Variants in BCAR3 observed in about 807,000 individuals in gnomAD.
The protein encoded by BCAR3 is BCAR3 adaptor protein, NSP family member.
In BCAR3, 37 loss-of-function variants were observed where a neutral mutation model predicts 80.1. That is an observed-to-expected ratio of 0.46 (90% confidence interval 0.36 to 0.61). The LOEUF (loss-of-function observed/expected upper bound fraction) is 0.61, where lower values mean the gene tolerates loss of function less well. Ranked by LOEUF, BCAR3 falls within the 20% of genes least tolerant of loss-of-function variation. The probability of loss-of-function intolerance (pLI) is 0.00; values close to 1 mark genes in which losing one functional copy is unlikely to be tolerated. For synonymous variants in BCAR3, 389 were observed against 418.9 expected, an observed-to-expected ratio of 0.93 and a Z score of 0.87; for missense variants, 978 against 1,068.2, an observed-to-expected ratio of 0.92 and a Z score of 1.18.
chr1:93,778,303 C>T (rs1299128872), intron 2 of BCAR3, among the ~76,000 whole-genome samples: 1 of 152,126 alleles, frequency 6.6e-6, no homozygotes, highest in African/African-American at 2.4e-5. Context: ...GAAAATGTAT[C>T]ATTAGTTTAC....
Position 93,562,009 on chromosome 1 carries a change from A to G in BCAR3, c.*232T>C, listed in dbSNP as rs1198174720. The G allele has an allele frequency of 3.5e-5, 13 of 369,386 alleles. No homozygotes were observed. The highest frequency in any genetic ancestry group is 7.4e-4 in the Middle Eastern group (1 of 1,360). 22.9% of individuals were successfully genotyped at this position (369,386 alleles called of 1,614,324 possible). A position where few individuals can be genotyped will look rare whatever the true frequency, so the allele number is the denominator to read the frequency against. On this transcript the variant is annotated 3_prime_UTR_variant, in exon 12 of 12. Coordinates refer to ENST00000260502, the MANE Select transcript of BCAR3 (RefSeq NM_003567.4). ...TCTTCTCTTAAATTTGCTGATCAAC[A>G]TTAGCAGTAGTTACCTTAATAATAA...
At chr1:93,643,309 G>A (rs1399687393) in intron 2 of BCAR3, among the ~76,000 whole-genome samples, 1 of 150,796 alleles carries the variant, frequency 6.6e-6, no homozygotes, top group Non-Finnish European at 1.5e-5. Context: ...CGGATCATTT[G>A]AGGTCAGGAG....
intron 2 of BCAR3, among the ~76,000 whole-genome samples, chr1:93,714,762 A>G (rs1308477065): frequency 6.6e-6 from 1 of 151,624 alleles, no homozygotes; most frequent in African/African-American, 2.4e-5. Flanking sequence ...TCCTGTACCT[A>G]CTTCTAGCAA....
chr1:93,803,220 A>G (rs1653548962), intron 2 of BCAR3, among the ~76,000 whole-genome samples: 1 of 152,160 alleles, frequency 6.6e-6, no homozygotes, highest in African/African-American at 2.4e-5. Flanking sequence ...TTCAGGCTGT[A>G]GGAAGCAAGT....
chr1:93,806,078 T>C (rs1239179461), intron 2 of BCAR3, among the ~76,000 whole-genome samples: 1 of 152,134 alleles, frequency 6.6e-6, no homozygotes, highest in Admixed American at 6.5e-5. Flanking sequence ...AGGGGTGATA[T>C]AAAGATTTGA....
At chr1:93,821,747 T>A (rs1014546184) in intron 2 of BCAR3, among the ~76,000 whole-genome samples, 1 of 152,214 alleles carries the variant, frequency 6.6e-6, no homozygotes, top group Non-Finnish European at 1.5e-5. Context: ...GCTAAGCACT[T>A]AGCATACCTT....
intron 2 of BCAR3, among the ~76,000 whole-genome samples, chr1:93,747,544 C>T (rs923555491): frequency 2.2e-4 from 33 of 151,626 alleles, no homozygotes; most frequent in African/African-American, 7.8e-4. Flanking sequence ...TTGTCTCCTC[C>T]CCTGTGTCCC....
intron 2 of BCAR3, among the ~76,000 whole-genome samples, chr1:93,651,624 C>T (rs1274544091): frequency 6.6e-6 from 1 of 152,154 alleles, no homozygotes; most frequent in South Asian, 2.1e-4. Flanking sequence ...CAGATGTGGA[C>T]TACATTAGAC....
intron 3 of BCAR3, among the ~76,000 whole-genome samples, chr1:93,639,129 A>G (rs1349361163): frequency 5.9e-5 from 9 of 152,228 alleles, no homozygotes; most frequent in Non-Finnish European, 1.5e-5. Context: ...CCAGCCATGC[A>G]TATTTTCCTC....
intron 2 of BCAR3, among the ~76,000 whole-genome samples, chr1:93,651,652 T>C (rs1474426404): frequency 6.6e-6 from 1 of 152,170 alleles, no homozygotes; most frequent in African/African-American, 2.4e-5. Context: ...CCTGGTACAA[T>C]GGCCAGCAAG....
At position 93,582,408 on chromosome 1, in the gene BCAR3, G is replaced by T; in HGVS notation, c.1579C>A (p.Pro527Thr). 1 of 1,614,172 alleles carries T rather than the reference G, an allele frequency of 6.2e-7. No individual in the cohort carries two copies. Among genetic ancestry groups the T allele is most frequent in the African/African-American group, 1.3e-5 (1 of 75,030 alleles). The change falls in exon 7 of 12, where the codon CCT becomes ACT. Residue 527 changes from proline (P) to threonine (T), a missense_variant. Coordinates refer to ENST00000260502, the MANE Select transcript of BCAR3 (RefSeq NM_003567.4). ...PNEFESKFLPPENKPLETAML... is the reference protein window; with the variant it reads ...PNEFESKFLPTENKPLETAML... ...GCTGTTTCCAGGGGCTTATTCTCAGGGGGAAGGAACTTTGACTCAAACTCG... is the reference window on the plus strand; with the variant it reads ...GCTGTTTCCAGGGGCTTATTCTCAGTGGGAAGGAACTTTGACTCAAACTCG...
chr1:93,833,701 T>G (rs1164722977), intron 2 of BCAR3, among the ~76,000 whole-genome samples: 2 of 152,098 alleles, frequency 1.3e-5, no homozygotes, highest in African/African-American at 4.8e-5. Flanking sequence ...TCAGACTTCA[T>G]GGTTATCTCC....
intron 3 of BCAR3, among the ~76,000 whole-genome samples, chr1:93,615,770 A>G (rs896074158): frequency 2.0e-5 from 3 of 152,178 alleles, no homozygotes; most frequent in Non-Finnish European, 4.4e-5. Context: ...CAGTTCTGTG[A>G]GCATGACTCA....
chr1:93,751,206 AG>A lies in BCAR3; in HGVS notation c.-62-45065del, dbSNP rs780578951. ...TTCAGTTCCATGGGGAGGAAGTGGC[AG>A]AGCTGGGGCTGATACCTCGGCTTGG... On this transcript the variant is annotated intron_variant, in intron 2 of 13. Transcript: ENST00000370244. 2.6e-4 allele frequency among the ~76,000 whole-genome samples: 40 copies of A among 152,312 alleles called. 3 individuals are homozygous for A. Among genetic ancestry groups the A allele is most frequent in the Admixed American group, 1.2e-3 (19 of 15,298 alleles).
At chr1:93,645,452 G>C (rs1331895090) in intron 2 of BCAR3, among the ~76,000 whole-genome samples, 1 of 151,976 alleles carries the variant, frequency 6.6e-6, no homozygotes, top group Non-Finnish European at 1.5e-5. Context: ...CCCTAGGGTC[G>C]ACCTGCAAAC....
intron 2 of BCAR3, among the ~76,000 whole-genome samples, chr1:93,807,972 A>C (rs1653710482): frequency 6.6e-6 from 1 of 151,084 alleles, no homozygotes; most frequent in Non-Finnish European, 1.5e-5. Context: ...AGGGAGGCAG[A>C]GGTTGCAGTG....
At chr1:93,760,626 G>T (rs1310490962) in intron 2 of BCAR3, among the ~76,000 whole-genome samples, 1 of 151,796 alleles carries the variant, frequency 6.6e-6, no homozygotes, top group Non-Finnish European at 1.5e-5. Flanking sequence ...AAAAGAAGAA[G>T]GAATGTATTA....
At chr1:93,584,914 G>A in intron 5 of BCAR3, 2 of 925,240 alleles carry the variant, frequency 2.2e-6, no homozygotes, top group Non-Finnish European at 2.6e-6. Flanking sequence ...ACTTTAATTG[G>A]CCTTCCCATA....
chr1:93,775,640 T>C (rs901598339), intron 2 of BCAR3, among the ~76,000 whole-genome samples: 1 of 152,182 alleles, frequency 6.6e-6, no homozygotes, highest in East Asian at 1.9e-4. Context: ...GTGCCTGCCA[T>C]TCAGGGACCA....
Sources: gnomAD v4.1 joint callset for allele counts (sites outside exome capture counted in the v4.1 genomes callset) on GRCh38, gnomAD v4.1.1 for gene constraint, MANE v1.5 for transcripts, NCBI Gene and HGNC (gene_info 2026-07-23, HGNC 2026-07-21) for gene names.